FLT1: variants seen among roughly 807,000 people sequenced by gnomAD.
FLT1 encodes the protein fms related receptor tyrosine kinase 1, also known as vascular endothelial growth factor receptor 1.
In FLT1, 49 loss-of-function variants were observed where a neutral mutation model predicts 156.3. The ratio of observed to expected loss-of-function variants is 0.31; its 90% CI spans 0.25 to 0.40. FLT1 has a LOEUF of 0.40. FLT1 is among the 10% of genes least tolerant of loss of function. FLT1 has a pLI of 1.00. For synonymous variants in FLT1, 594 were observed against 583.8 expected, an observed-to-expected ratio of 1.02 and a Z score of -0.25; for missense variants, 1,322 against 1,637.2, an observed-to-expected ratio of 0.81 and a Z score of 3.32.
intron 16 of FLT1, among the ~76,000 whole-genome samples, chr13:28,342,652 G>A (rs544534155): frequency 2.6e-5 from 4 of 152,246 alleles, no homozygotes; most frequent in South Asian, 4.1e-4. Flanking sequence ...AATAGCCTGG[G>A]TTCAAAACTA....
chr13:28,360,632 A>C (rs1873078909), intron 14 of FLT1, among the ~76,000 whole-genome samples: 1 of 152,206 alleles, frequency 6.6e-6, no homozygotes, highest in African/African-American at 2.4e-5. Context: ...TGGAATCTAA[A>C]AAAGTTGAAC....
At chr13:28,373,841 A>C (rs572733489) in intron 14 of FLT1, among the ~76,000 whole-genome samples, 2 of 152,246 alleles carry the variant, frequency 1.3e-5, no homozygotes, top group African/African-American at 2.4e-5. Flanking sequence ...TACCACCCCC[A>C]CTAACCCCTC....
At chr13:28,367,344 G>A (rs935866683) in intron 14 of FLT1, among the ~76,000 whole-genome samples, 3 of 152,208 alleles carry the variant, frequency 2.0e-5, no homozygotes, top group Admixed American at 1.3e-4. Flanking sequence ...AGTATCTGAC[G>A]ATGAAACTCA....
At chr13:28,374,551 G>A (rs545432104) in intron 14 of FLT1, among the ~76,000 whole-genome samples, 19 of 149,738 alleles carry the variant, frequency 1.3e-4, no homozygotes, top group Admixed American at 6.7e-4. Flanking sequence ...TCGCTCTGTC[G>A]CCCAGGCTGG....
At chr13:28,359,799 A>G (rs1370234600) in intron 14 of FLT1, among the ~76,000 whole-genome samples, 1 of 152,216 alleles carries the variant, frequency 6.6e-6, no homozygotes, top group Non-Finnish European at 1.5e-5. Context: ...ACCATCTCCA[A>G]TCACAAAAAT....
intron 29 of FLT1, among the ~76,000 whole-genome samples, chr13:28,304,823 A>G (rs1292493713): frequency 6.6e-6 from 1 of 152,346 alleles, no homozygotes; most frequent in Non-Finnish European, 1.5e-5. Context: ...TTTACTTAGC[A>G]TAATATTTTC....
chr13:28,413,182 G>A (rs374601615), intron 10 of FLT1, among the ~76,000 whole-genome samples: 9 of 152,292 alleles, frequency 5.9e-5, no homozygotes, highest in Non-Finnish European at 7.4e-5. Context: ...GGGATCCAGC[G>A]TCCTGGGCCA....
chr13:28,317,662 G>T, intron 24 of FLT1, 65 bp from the exon 25 acceptor site: 1 of 975,672 alleles, frequency 1.0e-6, no homozygotes, highest in Non-Finnish European at 1.7e-6. Flanking sequence ...GACCAAGAGG[G>T]GACAATTCAG....
At chr13:28,343,984 C>T (rs1011765872) in intron 16 of FLT1, among the ~76,000 whole-genome samples, 2 of 152,042 alleles carry the variant, frequency 1.3e-5, no homozygotes, top group South Asian at 4.2e-4. Flanking sequence ...AGTCTTCTAC[C>T]AGGTGCCTCT....
chr13:28,461,533 T>C (rs1395667864), intron 3 of FLT1, among the ~76,000 whole-genome samples: 3 of 152,088 alleles, frequency 2.0e-5, no homozygotes, highest in Non-Finnish European at 4.4e-5. Flanking sequence ...AAATCTGAAG[T>C]TCAGTACAAA....
chr13:28,372,585 T>TATATATATATATAA (rs1873663657), intron 14 of FLT1, among the ~76,000 whole-genome samples: 1 of 132,356 alleles, frequency 7.6e-6, no homozygotes, highest in African/African-American at 2.6e-5. Flanking sequence ...TATATATATA[T>TATATATATATATAA]ATATATATAT....
intron 1 of FLT1, among the ~76,000 whole-genome samples, chr13:28,471,543 A>AAAGATAGATG (rs1432270552): frequency 6.6e-6 from 1 of 152,190 alleles, no homozygotes; most frequent in Non-Finnish European, 1.5e-5. Flanking sequence ...TGATTTATAT[A>AAAGATAGATG]AAGATAGATG....
At chr13:28,449,987 G>C (rs987348928) in intron 3 of FLT1, among the ~76,000 whole-genome samples, 2 of 103,144 alleles carry the variant, frequency 1.9e-5, no homozygotes, top group Admixed American at 1.0e-4. Context: ...GTGTCTAGCG[G>C]CAGGGGATCA....
rs375033979 is a variant in FLT1, at chr13:28,339,250, A to C, written c.2406T>G (p.Asp802Glu). Residue 802 changes from aspartate (D) to glutamate (E), a missense_variant, in exon 17 of 30, where the codon GAT (aspartate) becomes GAG (glutamate). This residue lies in a region of FLT1 where 991 missense variants were observed against 1,254.8 expected (regional missense o/e 0.79). Coordinates refer to ENST00000282397, the MANE Select transcript of FLT1 (RefSeq NM_002019.4). ...CACACTGCTCATCCAAAGGAACTTC[A>C]TCTGGGTCCATTATAATTGATAGGT... Reference protein sequence around the residue: ...TDYLSIIMDPDEVPLDEQCER... With the variant: ...TDYLSIIMDPEEVPLDEQCER... The C allele has an allele frequency of 1.5e-5, 24 of 1,613,848 alleles. No homozygotes were observed. The highest frequency in any genetic ancestry group is 1.9e-5 in the Non-Finnish European group (22 of 1,179,810).
intron 10 of FLT1, among the ~76,000 whole-genome samples, chr13:28,407,493 A>T (rs927722855): frequency 6.6e-6 from 1 of 152,154 alleles, no homozygotes; most frequent in Non-Finnish European, 1.5e-5. Flanking sequence ...TATGTACTTC[A>T]GTGCATCTCT....
chr13:28,354,502 A>C (rs954331393), intron 15 of FLT1, among the ~76,000 whole-genome samples: 1 of 152,030 alleles, frequency 6.6e-6, no homozygotes, highest in African/African-American at 2.4e-5. Context: ...TGTTACCCCC[A>C]TGTTGTCTCT....
At chr13:28,468,588 T>A (rs1364565700) in intron 1 of FLT1, among the ~76,000 whole-genome samples, 1 of 152,224 alleles carries the variant, frequency 6.6e-6, no homozygotes, top group African/African-American at 2.4e-5. Context: ...ATCCTCAATG[T>A]TGGAGGTGGG....
chr13:28,309,357 C>CTAACTATTATTTA (rs11267512), intron 27 of FLT1, among the ~76,000 whole-genome samples: 3 of 152,018 alleles, frequency 2.0e-5, no homozygotes, highest in Non-Finnish European at 4.4e-5. Context: ...TATTTAATGG[C>CTAACTATTATTTA]ATAATCGAGT....
chr13:28,329,472 G>A (rs1871829795), intron 19 of FLT1, 143 bp downstream of exon 19: 2 of 691,724 alleles, frequency 2.9e-6, no homozygotes, highest in Admixed American at 4.1e-5. Flanking sequence ...AGATGCACAA[G>A]CTGTTTCTTC....
Sources: gnomAD v4.1 joint callset for allele counts (sites outside exome capture counted in the v4.1 genomes callset) on GRCh38, gnomAD v4.1.1 for gene constraint, gnomAD v4.1.1 regional missense constraint, MANE v1.5 for transcripts, NCBI Gene and HGNC (gene_info 2026-07-23, HGNC 2026-07-21) for gene names.